The following ABCD3 variants were observed in gnomAD, a reference collection of about 807,000 sequenced individuals.
ABCD3 encodes ATP binding cassette subfamily D member 3, also known as ATP-binding cassette sub-family D member 3.
In ABCD3, 41 loss-of-function variants were observed where a neutral mutation model predicts 105.5. The observed-to-expected ratio is 0.39, with a 90% confidence interval of 0.30 to 0.50. The LOEUF (loss-of-function observed/expected upper bound fraction) is 0.50, where lower values mean the gene tolerates loss of function less well. Among genes scored for constraint, ABCD3 ranks in the 20% least tolerant of loss-of-function variants. The probability of loss-of-function intolerance (pLI) is 0.84; values close to 1 mark genes in which losing one functional copy is unlikely to be tolerated. For missense variants in ABCD3, 622 were observed against 806.3 expected, an observed-to-expected ratio of 0.77 and a Z score of 2.77; for synonymous variants, 258 against 269.0, an observed-to-expected ratio of 0.96 and a Z score of 0.40.
chr1:94,480,351 G>A, intron 8 of ABCD3, 113 bp from the exon 9 acceptor site: 3 of 1,347,384 alleles, frequency 2.2e-6, no homozygotes, highest in Admixed American at 1.8e-5. Flanking sequence ...ACCCAGTAGG[G>A]CAATTTCTTT....
In ABCD3 at chr1:94,492,228, T is replaced by C. The variant is rs571552001; in HGVS notation, c.1386+981T>C. Among the ~76,000 whole-genome samples, 3 of 152,290 alleles carry C rather than the reference T, an allele frequency of 2.0e-5. No homozygotes were observed. The South Asian group carries it at 6.2e-4, about 32-fold the overall frequency. On this transcript the variant is annotated intron_variant, in intron 16 of 22. Transcript: ENST00000370214. ...AATGTGCATGGCCATCTGTAGTTTGTGTTTCATGTGGGGATTTTTTTCCTA... is the reference window on the plus strand; with the variant it reads ...AATGTGCATGGCCATCTGTAGTTTGCGTTTCATGTGGGGATTTTTTTCCTA...
In ABCD3 at chr1:94,517,565, G is replaced by A; in HGVS notation, c.*436G>A. 5.2e-6 allele frequency: 1 copy of A among 192,088 alleles called. No homozygotes were observed. The highest frequency in any genetic ancestry group is 9.4e-5 in the South Asian group (1 of 10,642). 11.9% of individuals were successfully genotyped at this position (192,088 alleles called of 1,614,324 possible). On this transcript the variant is annotated 3_prime_UTR_variant, in exon 23 of 23. Transcript: ENST00000370214. ...ATAGTCTTCAGTTTCATTTTCCTGT[G>A]CCCTGTGGTAGTTGGAAACAAATCA...
At chr1:94,438,301 T>TACATACAC (rs1659986852) in intron 1 of ABCD3, among the ~76,000 whole-genome samples, 2 of 128,202 alleles carry the variant, frequency 1.6e-5, no homozygotes, top group African/African-American at 2.8e-5. Context: ...CACACACACA[T>TACATACAC]ACACACACAC....
chr1:94,494,029 T>G (rs999127767), intron 16 of ABCD3, among the ~76,000 whole-genome samples: 14 of 152,006 alleles, frequency 9.2e-5, no homozygotes, highest in South Asian at 2.1e-4. Context: ...CACCAGCATG[T>G]CACATGTATA....
At chr1:94,470,820 ATT>A (rs1193552693) in intron 4 of ABCD3, among the ~76,000 whole-genome samples, 1 of 151,742 alleles carries the variant, frequency 6.6e-6, no homozygotes, top group Non-Finnish European at 1.5e-5. Context: ...GTGAATTTTT[ATT>A]TGTTATAATT....
chr1:94,395,849 G>A, the ABCD3 span, among the ~76,000 whole-genome samples: 1 of 151,864 alleles, frequency 6.6e-6, no homozygotes, highest in African/African-American at 2.4e-5. Flanking sequence ...GAGAGAGAGA[G>A]AGAGACAAAG....
intron 2 of ABCD3, among the ~76,000 whole-genome samples, chr1:94,460,022 G>C (rs552687786): frequency 5.9e-5 from 9 of 152,186 alleles, no homozygotes; most frequent in South Asian, 2.1e-4. Flanking sequence ...GGACATTTAG[G>C]TTGCTTCTAC....
intron 4 of ABCD3, among the ~76,000 whole-genome samples, chr1:94,469,069 C>T (rs1351476624): frequency 6.6e-6 from 1 of 152,180 alleles, no homozygotes; most frequent in African/African-American, 2.4e-5. Context: ...GTCAGATGTT[C>T]TGCAGGACTT....
intron 1 of ABCD3, among the ~76,000 whole-genome samples, chr1:94,437,966 C>T (rs1194266775): frequency 6.6e-6 from 1 of 152,054 alleles, no homozygotes; most frequent in Non-Finnish European, 1.5e-5. Flanking sequence ...TCTGAAGATA[C>T]AACAGAATTG....
chr1:94,493,510 T>C (rs1414599266), intron 16 of ABCD3, among the ~76,000 whole-genome samples: 1 of 151,504 alleles, frequency 6.6e-6, no homozygotes, highest in Non-Finnish European at 1.5e-5. Context: ...GTAAACTAGT[T>C]CAACCATTGT....
At chr1:94,503,133 A>G (rs1400447843) in intron 20 of ABCD3, among the ~76,000 whole-genome samples, 2 of 152,136 alleles carry the variant, frequency 1.3e-5, no homozygotes, top group Non-Finnish European at 2.9e-5. Context: ...TTATTCTTCC[A>G]GTGTGGCCCA....
intron 8 of ABCD3, among the ~76,000 whole-genome samples, chr1:94,480,054 GAA>G (rs758504969): frequency 8.0e-5 from 12 of 149,176 alleles, no homozygotes; most frequent in Non-Finnish European, 1.5e-4. Context: ...TTTGAGATGA[GAA>G]GAGAACTAAG....
the ABCD3 span, among the ~76,000 whole-genome samples, chr1:94,408,440 A>T: frequency 6.6e-6 from 1 of 152,014 alleles, no homozygotes; most frequent in African/African-American, 2.4e-5. Context: ...CAAAAAAAAA[A>T]AAAATTAGCT....
chr1:94,464,714 CTTTAA>C (rs1557674165), intron 2 of ABCD3, 56 bp from the exon 3 acceptor site: 2 of 1,408,510 alleles, frequency 1.4e-6, no homozygotes, highest in African/African-American at 2.8e-5. Context: ...AAACATGGTT[CTTTAA>C]TTTTATGATA....
Position 94,490,598 on chromosome 1 carries a change from A to G in ABCD3, c.1323-586A>G, listed in dbSNP as rs577962858. Among the ~76,000 whole-genome samples the G allele has an allele frequency of 1.1e-4, 16 of 152,088 alleles. No individual in the cohort carries two copies. The South Asian group carries it at 2.7e-3, about 26-fold the overall frequency. ...TTTTTTAAAAGTGGGGTAATATTCT[A>G]TTGTGTGTATTTTGTGTGTATGTGA... On this transcript the variant is annotated intron_variant, in intron 15 of 22. Coordinates refer to ENST00000370214, the MANE Select transcript of ABCD3 (RefSeq NM_002858.4).
chr1:94,460,221 A>G (rs572384282), intron 2 of ABCD3, among the ~76,000 whole-genome samples: 90 of 152,118 alleles, frequency 5.9e-4, no homozygotes, highest in Non-Finnish European at 1.1e-3. Flanking sequence ...ATTGGGTTTA[A>G]CCTACTATCT....
At chr1:94,433,170 T>C (rs1004422522) in intron 1 of ABCD3, among the ~76,000 whole-genome samples, 14 of 150,736 alleles carry the variant, frequency 9.3e-5, no homozygotes, top group African/African-American at 2.7e-4. Context: ...TTTTTTTTTT[T>C]CCAGACATAG....
chr1:94,509,348 T>G (rs998028451), intron 21 of ABCD3, among the ~76,000 whole-genome samples: 7 of 152,236 alleles, frequency 4.6e-5, no homozygotes, highest in Non-Finnish European at 8.8e-5. Flanking sequence ...CAGTTGATCA[T>G]GGTGGATAAG....
chr1:94,502,907 A>G (rs1025869927), intron 20 of ABCD3, among the ~76,000 whole-genome samples: 2 of 152,188 alleles, frequency 1.3e-5, no homozygotes, highest in Admixed American at 6.5e-5. Flanking sequence ...GGCAAGCAGT[A>G]TGGCTGCAGT....
Sources: gnomAD v4.1 joint callset for allele counts (sites outside exome capture counted in the v4.1 genomes callset) on GRCh38, gnomAD v4.1.1 for gene constraint, MANE v1.5 for transcripts, NCBI Gene and HGNC (gene_info 2026-07-23, HGNC 2026-07-21) for gene names.